Variants in ME3 observed in about 807,000 individuals in gnomAD.
ME3 encodes malic enzyme 3, also known as NADP-dependent malic enzyme, mitochondrial.
In ME3, 48 loss-of-function variants were observed where a neutral mutation model predicts 68.9. That is an observed-to-expected ratio of 0.70 (90% CI 0.55 to 0.89). ME3 has a LOEUF of 0.89. ME3 is among the 40% of genes least tolerant of loss of function. ME3 has a pLI of 0.00. For missense variants in ME3, 675 were observed against 797.4 expected (o/e 0.85, Z 1.85); for synonymous variants, 320 against 318.8 (o/e 1.00, Z -0.04).
Position 86,647,617 on chromosome 11 carries a change from T to TA in ME3, c.183+24144dup, listed in dbSNP as rs546487322. Among the ~76,000 whole-genome samples the TA allele has an allele frequency of 1.1e-3, 167 of 150,744 alleles. 1 individual carries two copies. Among genetic ancestry groups the TA allele is most frequent in the African/African-American group, 3.7e-3 (152 of 41,130 alleles). The stretch of plus-strand genomic sequence containing the variant: ...CAGGGGTTGCAATACTAGTCTCTGA[T>TA]AAAAAAAGACTTTAAACCAACAAAG... On this transcript the variant is annotated intron_variant, in intron 2 of 14. Transcript: ENST00000543262.
intron 5 of ME3, among the ~76,000 whole-genome samples, chr11:86,508,425 G>T (rs1004988744): frequency 9.2e-5 from 14 of 152,228 alleles, no homozygotes; most frequent in African/African-American, 3.1e-4. Flanking sequence ...TTAGTCTTTT[G>T]TGCCTTTGGC....
At chr11:86,567,464 G>T (rs892691984) in intron 2 of ME3, among the ~76,000 whole-genome samples, 4 of 152,160 alleles carry the variant, frequency 2.6e-5, no homozygotes, top group African/African-American at 7.2e-5. Context: ...TTAGGCAGGC[G>T]ACTGTTCACT....
At chr11:86,586,536 G>GA (rs1278397758) in intron 2 of ME3, among the ~76,000 whole-genome samples, 2 of 152,184 alleles carry the variant, frequency 1.3e-5, no homozygotes, top group Non-Finnish European at 2.9e-5. Flanking sequence ...TATTGATGCT[G>GA]AAGTCACCCA....
chr11:86,645,176 T>G (rs935830061), intron 2 of ME3, among the ~76,000 whole-genome samples: 1 of 152,146 alleles, frequency 6.6e-6, no homozygotes, highest in African/African-American at 2.4e-5. Context: ...GTATTTTTTT[T>G]GTAACCTAGT....
rs533595063 is a variant in ME3, at chr11:86,534,668, A to G, written c.467+21885T>C. 5.9e-5 allele frequency among the ~76,000 whole-genome samples: 9 copies of G among 152,142 alleles called. No individual in the cohort carries two copies. The South Asian group carries it at 8.3e-4, about 14-fold the overall frequency. On this transcript the variant is annotated intron_variant, in intron 4 of 14. Coordinates refer to ENST00000543262, the Ensembl canonical transcript of ME3. ...CCAGCCTGGGCAACAGAGCAAGACT[A>G]TATCTCAAAATAATAATAATAATAA...
At chr11:86,537,010 A>G (rs1202106380) in intron 4 of ME3, among the ~76,000 whole-genome samples, 1 of 151,602 alleles carries the variant, frequency 6.6e-6, no homozygotes, top group Non-Finnish European at 1.5e-5. Context: ...ATTGGAAATC[A>G]TCATTCTCAG....
chr11:86,564,046 A>G (rs866085289), intron 2 of ME3, among the ~76,000 whole-genome samples: 8 of 152,302 alleles, frequency 5.3e-5, no homozygotes, highest in Middle Eastern at 3.4e-3. Flanking sequence ...CAGTATGGCC[A>G]TTTTTACAAC....
chr11:86,661,753 A>T (rs1236106939), intron 2 of ME3, among the ~76,000 whole-genome samples: 2 of 152,116 alleles, frequency 1.3e-5, no homozygotes, highest in Non-Finnish European at 2.9e-5. Context: ...CGTTACATCT[A>T]ACCACTGAAT....
chr11:86,534,343 T>TTTA (rs1368514090), intron 4 of ME3, among the ~76,000 whole-genome samples: 1 of 152,162 alleles, frequency 6.6e-6, no homozygotes, highest in Non-Finnish European at 1.5e-5. Flanking sequence ...TTTATACACT[T>TTTA]TTAAGTTAAT....
At chr11:86,476,653 C>A (rs545659534) in intron 7 of ME3, among the ~76,000 whole-genome samples, 1 of 152,290 alleles carries the variant, frequency 6.6e-6, no homozygotes, top group Admixed American at 6.5e-5. Context: ...AACACACGGA[C>A]CATACTGCTC....
chr11:86,632,815 G>A (rs767477570), intron 2 of ME3, among the ~76,000 whole-genome samples: 2 of 152,198 alleles, frequency 1.3e-5, no homozygotes, highest in South Asian at 2.1e-4. Flanking sequence ...GCAGTCACAC[G>A]AATCTCTCCT....
At chr11:86,530,828 C>T (rs989638547) in intron 4 of ME3, among the ~76,000 whole-genome samples, 6 of 152,254 alleles carry the variant, frequency 3.9e-5, no homozygotes, top group African/African-American at 1.4e-4. Flanking sequence ...CCCTTCCTTA[C>T]ACCTTATACA....
intron 2 of ME3, among the ~76,000 whole-genome samples, chr11:86,648,150 GAATGACTACTGGGTAAAT>G (rs1339432103): frequency 6.6e-6 from 1 of 152,226 alleles, no homozygotes; most frequent in African/African-American, 2.4e-5. Context: ...ACGTACTCCT[GAATGACTACTGGGTAAAT>G]AACAAAACTA....
intron 2 of ME3, among the ~76,000 whole-genome samples, chr11:86,601,701 T>C (rs1212996813): frequency 2.0e-5 from 3 of 151,748 alleles, no homozygotes; most frequent in African/African-American, 7.3e-5. Context: ...GCAAAAATCC[T>C]CAATAAAATA....
intron 7 of ME3, among the ~76,000 whole-genome samples, chr11:86,477,047 A>G (rs1951118827): frequency 6.6e-6 from 1 of 152,086 alleles, no homozygotes; most frequent in Non-Finnish European, 1.5e-5. Context: ...AGCAAACATG[A>G]TTTTTTTACT....
intron 6 of ME3, among the ~76,000 whole-genome samples, chr11:86,494,835 C>T (rs923466974): frequency 2.6e-5 from 4 of 152,094 alleles, no homozygotes; most frequent in African/African-American, 9.7e-5. Flanking sequence ...ACTCAATAAA[C>T]TTTTATTAAA....
intron 5 of ME3, among the ~76,000 whole-genome samples, chr11:86,501,000 T>C (rs1952685153): frequency 6.6e-6 from 1 of 152,148 alleles, no homozygotes; most frequent in East Asian, 1.9e-4. Flanking sequence ...GCTGGGTTGT[T>C]ATTTAACTTT....
At chr11:86,570,200 A>G (rs1161984568) in intron 2 of ME3, among the ~76,000 whole-genome samples, 1 of 152,202 alleles carries the variant, frequency 6.6e-6, no homozygotes, top group African/African-American at 2.4e-5. Context: ...TCATTACGTC[A>G]TGCTCTGAGC....
Position 86,532,706 on chromosome 11 carries a change from T to C in ME3, c.468-23839A>G, listed in dbSNP as rs888101376. On this transcript the variant is annotated intron_variant, in intron 4 of 14. Coordinates refer to ENST00000543262, the Ensembl canonical transcript of ME3. ...TGGAAACATAGCATAATGTAACATATGAGATGCAACAAAAGCAATTCTAAG... is the reference window on the plus strand; with the variant it reads ...TGGAAACATAGCATAATGTAACATACGAGATGCAACAAAAGCAATTCTAAG... 1.1e-4 allele frequency among the ~76,000 whole-genome samples: 17 copies of C among 152,284 alleles called. 2 individuals carry two copies. The highest frequency in any genetic ancestry group is 5.2e-4 in the Admixed American group (8 of 15,292).
Sources: allele counts gnomAD v4.1 joint callset (sites outside exome capture counted in the v4.1 genomes callset), GRCh38; gene constraint gnomAD v4.1.1; transcripts MANE v1.5; gene names NCBI Gene and HGNC (gene_info 2026-07-23, HGNC 2026-07-21).